The following CTDSP2 variants were observed in gnomAD, a reference collection of about 807,000 sequenced individuals.
CTDSP2 encodes CTD small phosphatase 2, also known as carboxy-terminal domain RNA polymerase II polypeptide A small phosphatase 2.
CTDSP2 carries 9 observed loss-of-function variants against 31.6 expected under a neutral mutation model. The observed-to-expected ratio is 0.28, with a 90% CI of 0.17 to 0.50. The LOEUF (loss-of-function observed/expected upper bound fraction) is 0.50. CTDSP2 is among the 20% of genes least tolerant of loss of function. The pLI, the probability that CTDSP2 is intolerant of heterozygous loss-of-function variation, is 0.98. For missense variants in CTDSP2, 267 were observed against 348.5 expected (o/e 0.77, Z 1.86); for synonymous variants, 134 against 134.5 (o/e 1.00, Z 0.03).
intron 1 of CTDSP2, among the ~76,000 whole-genome samples, chr12:57,844,900 C>T (rs1232323271): frequency 7.1e-6 from 1 of 141,686 alleles, no homozygotes; most frequent in Non-Finnish European, 1.6e-5. Flanking sequence ...TGCCTCCCTC[C>T]CCCCACCCTT....
rs190183319 is a variant in CTDSP2 at position 57,834,622 on chromosome 12, A to G, written c.65-5026T>C. On this transcript the variant is annotated intron_variant, in intron 1 of 7. Coordinates refer to ENST00000398073, the MANE Select transcript of CTDSP2 (RefSeq NM_005730.4). The stretch of plus-strand genomic sequence containing the variant: ...TAAGGGTGAGGGAACCACAGAGTTC[A>G]GAGAGGGATCTGAAACTTGTGTCAA... Among the ~76,000 whole-genome samples the G allele has an allele frequency of 6.6e-5, 10 of 152,356 alleles. No homozygotes were observed. The East Asian group carries it at 1.7e-3, about 26-fold the overall frequency.
chr12:57,843,271 C>A (rs976726882), intron 1 of CTDSP2, among the ~76,000 whole-genome samples: 7 of 152,188 alleles, frequency 4.6e-5, no homozygotes, highest in African/African-American at 1.4e-4. Flanking sequence ...AATGGGGTGA[C>A]AATCTCATAT....
At chr12:57,828,373 C>G (rs370394521) in intron 2 of CTDSP2, among the ~76,000 whole-genome samples, 1 of 150,462 alleles carries the variant, frequency 6.6e-6, no homozygotes, top group Non-Finnish European at 1.5e-5. Context: ...GAGCCAAGAT[C>G]GCACGCCATT....
chr12:57,823,547 GCA>G lies in CTDSP2; in HGVS notation c.*53_*54del, dbSNP rs1293296075. 3.8e-6 allele frequency: 6 copies of G among 1,599,882 alleles called. No individual in the cohort carries two copies. Among genetic ancestry groups the G allele is most frequent in the Non-Finnish European group, 5.1e-6 (6 of 1,173,440 alleles). On this transcript the variant is annotated 3_prime_UTR_variant, in exon 8 of 8. Coordinates refer to ENST00000398073, the MANE Select transcript of CTDSP2 (RefSeq NM_005730.4). The stretch of plus-strand genomic sequence containing the variant: ...CTACTCTGTCACGCTGATCGTAAAG[GCA>G]CAGTGTGGGAAAGTCCCCTACTGGG...
In CTDSP2 at chr12:57,846,354, G is replaced by A. The variant is rs780710561; in HGVS notation, c.64+18C>T. 1 of 1,601,190 alleles carries A rather than the reference G, an allele frequency of 6.2e-7. No homozygotes were observed. The highest frequency in any genetic ancestry group is 1.7e-5 in the Admixed American group (1 of 58,828). ...CGCCCGGGGGCGACGCAAAGTTTTG[G>A]GAAGTTGCTGCCCCTACCTTGCTTG... On this transcript the variant is annotated intron_variant, in intron 1 of 7. Coordinates refer to ENST00000398073, the MANE Select transcript of CTDSP2 (RefSeq NM_005730.4).
chr12:57,844,383 T>G (rs1203390969), intron 1 of CTDSP2, among the ~76,000 whole-genome samples: 1 of 152,224 alleles, frequency 6.6e-6, no homozygotes, highest in Non-Finnish European at 1.5e-5. Context: ...TGGATGAAAC[T>G]TCCAGCTCTG....
intron 1 of CTDSP2, among the ~76,000 whole-genome samples, chr12:57,841,349 CT>C (rs1201077964): frequency 6.6e-6 from 1 of 151,554 alleles, no homozygotes; most frequent in Non-Finnish European, 1.5e-5. Flanking sequence ...CTTTTTCCCC[CT>C]CTTATTAAAA....
At chr12:57,835,714 G>T (rs1032688345) in intron 1 of CTDSP2, among the ~76,000 whole-genome samples, 2 of 152,218 alleles carry the variant, frequency 1.3e-5, no homozygotes, top group African/African-American at 4.8e-5. Flanking sequence ...AAGAAAGTGA[G>T]CTGGTGGCTG....
chr12:57,846,187 C>A (rs1956314703), intron 1 of CTDSP2, among the ~76,000 whole-genome samples, 185 bp downstream of exon 1: 1 of 152,196 alleles, frequency 6.6e-6, no homozygotes, highest in African/African-American at 2.4e-5. Flanking sequence ...CGCCGGGATC[C>A]CCGTGCAACC....
chr12:57,829,321 G>T, intron 2 of CTDSP2, 127 bp downstream of exon 2: 2 of 1,059,414 alleles, frequency 1.9e-6, no homozygotes, highest in Non-Finnish European at 2.8e-6. Flanking sequence ...ATGGAGGAAG[G>T]GCCCCCTCTC....
At chr12:57,829,068 T>C (rs912424761) in intron 2 of CTDSP2, among the ~76,000 whole-genome samples, 3 of 152,240 alleles carry the variant, frequency 2.0e-5, no homozygotes, top group Non-Finnish European at 2.9e-5. Flanking sequence ...TTATTAACCA[T>C]GAACTCTTCA....
chr12:57,835,642 T>C (rs1956243352), intron 1 of CTDSP2, among the ~76,000 whole-genome samples: 1 of 152,192 alleles, frequency 6.6e-6, no homozygotes, highest in Non-Finnish European at 1.5e-5. Context: ...AACATTTGGT[T>C]TGGGGCTAGA....
rs538471929 is a variant in CTDSP2, at chr12:57,822,087, G to C, written c.*1515C>G. The stretch of plus-strand genomic sequence containing the variant: ...CCAGGGAACACAGAGATGGGAACAG[G>C]AGCGCCCTCCCACCCCAGGAGGAGG... On this transcript the variant is annotated 3_prime_UTR_variant, in exon 8 of 8. Transcript: ENST00000398073. 3.3e-5 allele frequency: 5 copies of C among 152,380 alleles called. No individual in the cohort carries two copies. The East Asian group carries it at 9.7e-4, about 30-fold the overall frequency. The allele number at this position is 152,380 out of a possible 1,614,324, so 9.4% of individuals were successfully genotyped here. A position where few individuals can be genotyped will look rare whatever the true frequency, so the allele number is the denominator to read the frequency against.
chr12:57,823,875 T>C (rs765161871), intron 7 of CTDSP2, 29 bp downstream of exon 7: 2 of 1,612,844 alleles, frequency 1.2e-6, no homozygotes, highest in Non-Finnish European at 1.7e-6. Flanking sequence ...TCCCAATCCC[T>C]ACCGTGGAGA....
At chr12:57,832,284 G>A (rs1308830638) in intron 1 of CTDSP2, among the ~76,000 whole-genome samples, 1 of 152,248 alleles carries the variant, frequency 6.6e-6, no homozygotes, top group Non-Finnish European at 1.5e-5. Flanking sequence ...GGCTCTGGAA[G>A]AGGAACCAAA....
At chr12:57,839,030 A>T (rs1374175539) in intron 1 of CTDSP2, among the ~76,000 whole-genome samples, 1 of 152,208 alleles carries the variant, frequency 6.6e-6, no homozygotes, top group African/African-American at 2.4e-5. Context: ...CACAAAAACG[A>T]ATCAGTCGCA....
intron 1 of CTDSP2, among the ~76,000 whole-genome samples, chr12:57,830,168 G>C (rs1361814859): frequency 1.3e-5 from 2 of 152,156 alleles, no homozygotes; most frequent in East Asian, 3.9e-4. Context: ...GGTGGAGCAC[G>C]AGGTCAGAAG....
chr12:57,843,537 A>G (rs1251509932), intron 1 of CTDSP2, among the ~76,000 whole-genome samples: 1 of 151,528 alleles, frequency 6.6e-6, no homozygotes, highest in Non-Finnish European at 1.5e-5. Context: ...TAAAAAAAGA[A>G]AAAAAAAACC....
At position 57,846,615 on chromosome 12, in the gene CTDSP2, G is replaced by A. The variant is rs1734455452; in HGVS notation, c.-180C>T. 2.0e-6 allele frequency: 1 copy of A among 508,586 alleles called. No homozygotes were observed. 31.5% of individuals were successfully genotyped at this position (508,586 alleles called of 1,614,324 possible). On this transcript the variant is annotated 5_prime_UTR_variant, in exon 1 of 8. Coordinates refer to ENST00000398073, the MANE Select transcript of CTDSP2 (RefSeq NM_005730.4). ...CGGGAAGGGAGGCGGCCTGTACAAA[G>A]GGCGGGCGGCCCGGGCAGCGGCTCC...
Sources: gnomAD v4.1 joint callset for allele counts (sites outside exome capture counted in the v4.1 genomes callset) on GRCh38, gnomAD v4.1.1 for gene constraint, MANE v1.5 for transcripts, NCBI Gene and HGNC (gene_info 2026-07-23, HGNC 2026-07-21) for gene names.